The following ATP6V0D1 variants were observed in gnomAD, a reference collection of about 807,000 sequenced individuals.
ATP6V0D1 encodes the protein ATPase H+ transporting V0 subunit d1.
A neutral mutation model predicts 39.0 loss-of-function variants in ATP6V0D1; 13 were observed. That is an observed-to-expected ratio of 0.33 (90% CI 0.22 to 0.53). ATP6V0D1 has a LOEUF of 0.53. ATP6V0D1 is among the 20% of genes least tolerant of loss of function. The pLI is 0.94. For synonymous variants in ATP6V0D1, 191 were observed against 191.2 expected (o/e 1.00, Z 0.01); for missense variants, 272 against 470.9 (o/e 0.58, Z 3.91).
Position 67,444,481 on chromosome 16 carries a change from G to C in ATP6V0D1, c.481+47C>G. ...TCCACAAACCCCACCCTGATGCGCTGATGCTGACACCACTGCCCACCTCCC... is the reference window on the plus strand; with the variant it reads ...TCCACAAACCCCACCCTGATGCGCTCATGCTGACACCACTGCCCACCTCCC... On this transcript the variant is annotated intron_variant, in intron 3 of 7. Transcript: ENST00000290949. This position sits in a 1 kb window ranked among gnomAD's most constrained non-coding sequence, Gnocchi z 4.8. The C allele has an allele frequency of 6.5e-7, 1 of 1,545,154 alleles. No individual in the cohort carries two copies. The highest frequency in any genetic ancestry group is 8.8e-7 in the Non-Finnish European group (1 of 1,137,466).
intron 1 of ATP6V0D1, among the ~76,000 whole-genome samples, chr16:67,464,991 T>C (rs1486654582): frequency 1.3e-5 from 2 of 152,224 alleles, no homozygotes; most frequent in Non-Finnish European, 2.9e-5. Context: ...GGGGAGTTGC[T>C]AGGTTTGGAC....
At chr16:67,474,363 C>A (rs573150500) in intron 1 of ATP6V0D1, among the ~76,000 whole-genome samples, 1 of 152,352 alleles carries the variant, frequency 6.6e-6, no homozygotes, top group East Asian at 1.9e-4. Flanking sequence ...TGGGATCAGT[C>A]CATCAGTAAG....
chr16:67,442,499 C>G (rs1395538378), intron 4 of ATP6V0D1, among the ~76,000 whole-genome samples: 1 of 151,518 alleles, frequency 6.6e-6, no homozygotes, highest in Non-Finnish European at 1.5e-5. Context: ...CCTCTCCGGT[C>G]CCCTGGCTCT....
intron 2 of ATP6V0D1, among the ~76,000 whole-genome samples, chr16:67,451,725 A>T (rs1051764811): frequency 2.0e-5 from 3 of 151,448 alleles, no homozygotes; most frequent in African/African-American, 7.2e-5. Context: ...CATGAATGGA[A>T]GGGGTGGGAA....
Position 67,452,221 on chromosome 16 carries a change from G to C in ATP6V0D1, c.302+1323C>G, listed in dbSNP as rs537029892. On this transcript the variant is annotated intron_variant, in intron 2 of 7. Transcript: ENST00000290949. The stretch of plus-strand genomic sequence containing the variant: ...CCATTACCAGCCTCCTGCCCCAGTA[G>C]GTCCATGTTGGCATACCTTGATGGA... 142 of 1,534,144 alleles carry C rather than the reference G, an allele frequency of 9.3e-5. 2 individuals are homozygous for C. In the South Asian group the frequency reaches 1.5e-3, roughly 16 times the overall value.
At position 67,444,593 on chromosome 16, in the gene ATP6V0D1, T is replaced by G. The variant is rs1325319464; in HGVS notation, c.416A>C (p.Glu139Ala). The G allele has an allele frequency of 1.2e-6, 2 of 1,613,498 alleles. No individual in the cohort carries two copies. Among genetic ancestry groups the G allele is most frequent in the South Asian group, 2.2e-5 (2 of 91,042 alleles). ...AGGTGTCTGAGCAATGTTCACGGCC[T>G]CCATCTGCTCGAAGCTGCCTAGTGG... ...CHPLGSFEQM[E>A]AVNIAQTPAE... is the part of the protein sequence containing the mutation. The change falls in exon 3 of 8, where the codon GAG becomes GCG. Residue 139 changes from glutamate (E) to alanine (A), a missense_variant. This residue lies in a region of ATP6V0D1 where 135 missense variants were observed against 273.8 expected (regional missense o/e 0.49). Transcript: ENST00000290949. The surrounding 1 kb of genome is among the most constrained non-coding windows in gnomAD (Gnocchi z 4.8).
chr16:67,478,845 C>G (rs1055200755), intron 1 of ATP6V0D1, among the ~76,000 whole-genome samples: 2 of 152,042 alleles, frequency 1.3e-5, no homozygotes, highest in Non-Finnish European at 2.9e-5. Flanking sequence ...CCTGTGCCCC[C>G]AGAAGCTGTT....
chr16:67,439,199 G>A, intron 5 of ATP6V0D1, 52 bp from the exon 6 acceptor site: 1 of 1,613,580 alleles, frequency 6.2e-7, no homozygotes, highest in African/African-American at 1.3e-5. Context: ...GGAGGCAGTA[G>A]CCAGTCAGTT....
At chr16:67,473,811 C>G (rs752071864) in intron 1 of ATP6V0D1, among the ~76,000 whole-genome samples, 11 of 152,196 alleles carry the variant, frequency 7.2e-5, no homozygotes, top group Non-Finnish European at 1.5e-4. Flanking sequence ...GCATGAGCCA[C>G]TGCACCCAGC....
intron 1 of ATP6V0D1, among the ~76,000 whole-genome samples, chr16:67,465,926 C>T (rs1484901882): frequency 6.6e-6 from 1 of 152,158 alleles, no homozygotes; most frequent in Non-Finnish European, 1.5e-5. Flanking sequence ...GGATGACTCA[C>T]GGGGTCCAGC....
intron 1 of ATP6V0D1, among the ~76,000 whole-genome samples, chr16:67,467,722 C>T (rs2041341771): frequency 1.3e-5 from 2 of 152,200 alleles, no homozygotes; most frequent in African/African-American, 4.8e-5. Context: ...AAGAAAGGTT[C>T]TGGCAACCCA....
In ATP6V0D1 at chr16:67,438,450, T is replaced by TAC; in HGVS notation, c.*76_*77dup. 6.6e-7 allele frequency: 1 copy of TAC among 1,514,850 alleles called. No homozygotes were observed. Among genetic ancestry groups the TAC allele is most frequent in the Middle Eastern group, 1.8e-4 (1 of 5,458 alleles). 93.8% of individuals were successfully genotyped at this position (1,514,850 alleles called of 1,614,324 possible). A position where few individuals can be genotyped will look rare whatever the true frequency, so the allele number is the denominator to read the frequency against. ...AGCCACAGGCTTGTCACAGACCACATACACACACACGCACACACACGCGCA... is the reference window on the plus strand; with the variant it reads ...AGCCACAGGCTTGTCACAGACCACATACACACACACACGCACACACACGCGCA... On this transcript the variant is annotated 3_prime_UTR_variant, in exon 8 of 8. Coordinates refer to ENST00000290949, the MANE Select transcript of ATP6V0D1 (RefSeq NM_004691.5).
At chr16:67,445,807 G>A (rs2041108024) in intron 2 of ATP6V0D1, 1 of 412,230 alleles carries the variant, frequency 2.4e-6, no homozygotes, top group African/African-American at 2.0e-5. Flanking sequence ...GTTCTGTGTA[G>A]TCACCTGTGT....
chr16:67,462,477 G>C (rs779090269), intron 1 of ATP6V0D1, among the ~76,000 whole-genome samples: 2 of 152,242 alleles, frequency 1.3e-5, no homozygotes, highest in Non-Finnish European at 2.9e-5. Context: ...GGTCTGGCCT[G>C]GCCAGATGCC....
At chr16:67,449,857 G>C (rs2041158507) in intron 2 of ATP6V0D1, among the ~76,000 whole-genome samples, 1 of 152,256 alleles carries the variant, frequency 6.6e-6, no homozygotes, top group South Asian at 2.1e-4. Context: ...GGCTGGCCAG[G>C]ACCTACGAAA....
At chr16:67,452,238 C>T (rs1226690482) in intron 2 of ATP6V0D1, 17 of 1,535,228 alleles carry the variant, frequency 1.1e-5, no homozygotes, top group Non-Finnish European at 1.5e-5. Context: ...GTTGGCATAC[C>T]TTGATGGAGG....
chr16:67,439,508 C>T, intron 4 of ATP6V0D1, 157 bp from the exon 5 acceptor site: 1 of 664,646 alleles, frequency 1.5e-6, no homozygotes. Flanking sequence ...ACAGCAAAGC[C>T]AATGAAACAC....
chr16:67,463,416 A>C (rs1282219905), intron 1 of ATP6V0D1, among the ~76,000 whole-genome samples: 2 of 152,132 alleles, frequency 1.3e-5, no homozygotes, highest in East Asian at 3.9e-4. Context: ...CTGTGGTCCC[A>C]ACTACTCGAA....
At position 67,452,121 on chromosome 16, in the gene ATP6V0D1, G is replaced by C. The variant is rs1420680852; in HGVS notation, c.302+1423C>G. ...CTCTGGCTTTGCAGCAAGGAACACA[G>C]AGACCAAGGCCAGGGAATGATCAAC... is the stretch of plus-strand genomic sequence containing the variant. On this transcript the variant is annotated intron_variant, in intron 2 of 7. Transcript: ENST00000290949. 2.2e-6 allele frequency: 3 copies of C among 1,373,010 alleles called. No homozygotes were observed. In the African/African-American group the frequency reaches 4.4e-5, roughly 20 times the overall value. 85.1% of individuals were successfully genotyped at this position (1,373,010 alleles called of 1,614,324 possible).
Sources: allele counts gnomAD v4.1 joint callset (sites outside exome capture counted in the v4.1 genomes callset), GRCh38; gene constraint gnomAD v4.1.1; regional missense constraint gnomAD v4.1.1; non-coding constraint Gnocchi (gnomAD v3.1); transcripts MANE v1.5; gene names NCBI Gene and HGNC (gene_info 2026-07-23, HGNC 2026-07-21).